Variants in TLE6 observed in about 807,000 individuals in gnomAD.
TLE6 encodes the protein transducin-like enhancer protein 6.
In TLE6, 72 loss-of-function variants were observed where a neutral mutation model predicts 77.1. The observed-to-expected ratio is 0.93, with a 90% CI of 0.77 to 1.14. TLE6 has a LOEUF of 1.14. Ranked by LOEUF, TLE6 falls within the 50% of genes most tolerant of loss-of-function variation. The pLI is 0.00. For missense variants in TLE6, 843 were observed against 747.6 expected, an observed-to-expected ratio of 1.13 and a Z score of -1.49; for synonymous variants, 366 against 287.3, an observed-to-expected ratio of 1.27 and a Z score of -2.77.
At chr19:2,986,521 C>T (rs892003784) in intron 5 of TLE6, among the ~76,000 whole-genome samples, 1 of 151,936 alleles carries the variant, frequency 6.6e-6, no homozygotes, top group African/African-American at 2.4e-5. Flanking sequence ...GGAGACCAGC[C>T]TGGCCAACAT....
chr19:2,991,847 C>T lies in TLE6; in HGVS notation c.1249C>T (p.Leu417Phe). 6.2e-7 allele frequency: 1 copy of T among 1,613,742 alleles called. No individual in the cohort carries two copies. The highest frequency in any genetic ancestry group is 8.5e-7 in the Non-Finnish European group (1 of 1,179,904). ...DLRDQSVVRDLKGYPDGVKSI... is the reference protein window; with the variant it reads ...DLRDQSVVRDFKGYPDGVKSI... The stretch of plus-strand genomic sequence containing the variant: ...CCCGATGTCCCTTCTGGCCAGGGAC[C>T]TCAAGGGTTATCCTGATGGAGTCAA... The change falls in exon 14 of 17, where the codon CTC (leucine) becomes TTC (phenylalanine). Residue 417 changes from leucine (L) to phenylalanine (F), a missense_variant. Physicochemically the swap from Leu to Phe is conservative, Grantham distance 22. Coordinates refer to ENST00000246112, the MANE Select transcript of TLE6 (RefSeq NM_001143986.2).
chr19:2,982,523 G>A (rs368471242), intron 5 of TLE6, among the ~76,000 whole-genome samples: 15 of 141,554 alleles, frequency 1.1e-4, no homozygotes, highest in Admixed American at 7.9e-4. Flanking sequence ...GGGCGACAGC[G>A]AGACTCTGTC....
intron 12 of TLE6, 26 bp from the exon 13 acceptor site, chr19:2,989,509 G>T: frequency 6.2e-7 from 1 of 1,600,062 alleles, no homozygotes; most frequent in Non-Finnish European, 8.5e-7. Flanking sequence ...GGGGGCGACA[G>T]CTCACAGTGA....
intron 16 of TLE6, 63 bp downstream of exon 16, chr19:2,994,158 C>T: frequency 2.9e-6 from 4 of 1,383,156 alleles, no homozygotes; most frequent in African/African-American, 1.4e-5. Context: ...CTGGGCAACA[C>T]AGCAAGACCC....
intron 3 of TLE6, 47 bp from the exon 4 acceptor site, chr19:2,981,491 G>A (rs562754541): frequency 1.3e-6 from 2 of 1,546,988 alleles, no homozygotes; most frequent in East Asian, 2.4e-5. Context: ...TCTGGGGAGG[G>A]AGTCCTGAAG....
chr19:2,980,415 T>C, intron 3 of TLE6: 1 of 366,088 alleles, frequency 2.7e-6, no homozygotes, highest in Non-Finnish European at 5.1e-6. Flanking sequence ...CGACATGGAT[T>C]TGTTGGCATT....
intron 3 of TLE6, chr19:2,980,421 G>A: frequency 2.8e-6 from 1 of 354,122 alleles, no homozygotes; most frequent in Non-Finnish European, 5.3e-6. Flanking sequence ...GGATTTGTTG[G>A]CATTCAATTT....
intron 5 of TLE6, 98 bp from the exon 6 acceptor site, chr19:2,986,731 G>T: frequency 8.1e-7 from 1 of 1,231,020 alleles, no homozygotes; most frequent in Non-Finnish European, 1.1e-6. Flanking sequence ...CAAGTAGATT[G>T]ATATACCTTC....
In TLE6 at chr19:2,982,252, G is replaced by A. The variant is rs1182027375; in HGVS notation, c.222+63G>A. The A allele has an allele frequency of 1.4e-5, 21 of 1,529,530 alleles. 1 individual carries two copies. The highest frequency in any genetic ancestry group is 3.6e-5 in the South Asian group (3 of 83,556). The allele number at this position is 1,529,530 out of a possible 1,614,324, so 94.7% of individuals were successfully genotyped here. The stretch of plus-strand genomic sequence containing the variant: ...CATGAAAGGCATGAGAAAGCACAGA[G>A]GGGGGCCGGGCACAGTGGCTCAAAC... On this transcript the variant is annotated intron_variant, in intron 5 of 16. Transcript: ENST00000246112.
rs1161938582 is a variant in TLE6 at position 2,980,075 on chromosome 19, T to C, written c.52-25T>C. ...GGGTGTTGGAGCATTGTAAGTTTTA[T>C]GTAACCTTGCTTTGACCTTTCCAGC... On this transcript the variant is annotated intron_variant, in intron 2 of 16. Transcript: ENST00000246112. 18 of 1,546,880 alleles carry C rather than the reference T, an allele frequency of 1.2e-5. No homozygotes were observed. In the Admixed American group the frequency reaches 3.3e-4, roughly 29 times the overall value.
Position 2,994,934 on chromosome 19 carries a change from T to C in TLE6, c.1649T>C (p.Val550Ala). Reference protein sequence around the residue: ...PEMSPVTCCDVSSNNRLVVTG... With the variant: ...PEMSPVTCCDASSNNRLVVTG... Reference sequence around the variant, plus strand: ...ATGTCTCCAGTCACGTGCTGTGACGTCTCTTCCAACAACCGCCTCGTTGTC... The same window carrying C: ...ATGTCTCCAGTCACGTGCTGTGACGCCTCTTCCAACAACCGCCTCGTTGTC... The change falls in exon 17 of 17, where the codon GTC (valine) becomes GCC (alanine). Residue 550 changes from valine to alanine, a missense_variant. Coordinates refer to ENST00000246112, the MANE Select transcript of TLE6 (RefSeq NM_001143986.2). 1.2e-6 allele frequency: 2 copies of C among 1,606,792 alleles called. No homozygotes were observed. Among genetic ancestry groups the C allele is most frequent in the Non-Finnish European group, 1.7e-6 (2 of 1,176,868 alleles).
intron 5 of TLE6, 36 bp from the exon 6 acceptor site, chr19:2,986,793 C>T: frequency 1.3e-6 from 2 of 1,548,388 alleles, no homozygotes; most frequent in Non-Finnish European, 1.7e-6. Flanking sequence ...TTAACTGCAA[C>T]AACATTTAAC....
chr19:2,993,392 AC>A lies in TLE6; in HGVS notation c.1387-38del, dbSNP rs778358577. On this transcript the variant is annotated intron_variant, in intron 14 of 16. Coordinates refer to ENST00000246112, the MANE Select transcript of TLE6 (RefSeq NM_001143986.2). ...TGCCTGCTTCCTGGGCCAGGCTGGGACCTAACCAGGTTCCTCCCTCCCCACT... is the reference window on the plus strand; with the variant it reads ...TGCCTGCTTCCTGGGCCAGGCTGGGACTAACCAGGTTCCTCCCTCCCCACT... 9 of 1,569,300 alleles carry A rather than the reference AC, an allele frequency of 5.7e-6. No individual in the cohort carries two copies. In the African/African-American group the frequency reaches 1.2e-4, roughly 22 times the overall value.
intron 3 of TLE6, 25 bp from the exon 4 acceptor site, chr19:2,981,513 C>G (rs2088797232): frequency 6.4e-7 from 1 of 1,551,294 alleles, no homozygotes; most frequent in Non-Finnish European, 8.7e-7. Context: ...CACAGGTCTT[C>G]CAGCCTGTCC....
intron 5 of TLE6, among the ~76,000 whole-genome samples, chr19:2,983,728 G>A (rs1449893469): frequency 1.3e-5 from 2 of 152,090 alleles, no homozygotes; most frequent in Admixed American, 6.5e-5. Flanking sequence ...TTCAGACAGA[G>A]GGCAGGCCCT....
rs1240405391 is a variant in TLE6, at chr19:2,980,737, T to C, written c.134+555T>C. 3.7e-5 allele frequency among the ~76,000 whole-genome samples: 5 copies of C among 134,848 alleles called. No individual in the cohort carries two copies. The Admixed American group carries it at 3.8e-4, about 10-fold the overall frequency. 88.5% of individuals were successfully genotyped at this position (134,848 alleles called of 152,430 possible). On this transcript the variant is annotated intron_variant, in intron 3 of 16. Coordinates refer to ENST00000246112, the MANE Select transcript of TLE6 (RefSeq NM_001143986.2). ...AAGGCTACAGAGTGAGACTCGGTCTTTAAAAAAAAAAAAAAAAAAAAGTAC... is the reference window on the plus strand; with the variant it reads ...AAGGCTACAGAGTGAGACTCGGTCTCTAAAAAAAAAAAAAAAAAAAAGTAC...
Position 2,981,586 on chromosome 19 carries a change from G to C in TLE6, c.180+3G>C. The C allele has an allele frequency of 6.4e-7, 1 of 1,551,558 alleles. No individual in the cohort carries two copies. Among genetic ancestry groups the C allele is most frequent in the Non-Finnish European group, 8.7e-7 (1 of 1,146,954 alleles). On this transcript the variant is annotated splice_donor_region_variant and intron_variant, in intron 4 of 16. Transcript: ENST00000246112. ...AGTTGGAGAGCATTTACTACTCGGTGAGCCAGACCCAGGCAGCCCCAACCA... is the reference window on the plus strand; with the variant it reads ...AGTTGGAGAGCATTTACTACTCGGTCAGCCAGACCCAGGCAGCCCCAACCA...
chr19:2,987,624 C>CA (rs2088945728), intron 8 of TLE6, 100 bp from the exon 9 acceptor site: 1 of 1,383,956 alleles, frequency 7.2e-7, no homozygotes, highest in Admixed American at 1.7e-5. Context: ...GACAGGACCC[C>CA]AGGCAGCTGA....
chr19:2,987,428 G>T, intron 8 of TLE6, 56 bp downstream of exon 8: 1 of 1,610,126 alleles, frequency 6.2e-7, no homozygotes, highest in Non-Finnish European at 8.5e-7. Context: ...CAGGCGGTTG[G>T]GCTCCCCCAG....
Sources: allele counts gnomAD v4.1 joint callset (sites outside exome capture counted in the v4.1 genomes callset), GRCh38; gene constraint gnomAD v4.1.1; transcripts MANE v1.5; gene names NCBI Gene and HGNC (gene_info 2026-07-23, HGNC 2026-07-21).